Variants in TTC22 observed in about 807,000 individuals in gnomAD.
The protein encoded by TTC22 is tetratricopeptide repeat protein 22.
A neutral mutation model predicts 48.2 loss-of-function variants in TTC22; 42 were observed. The ratio of observed to expected loss-of-function variants is 0.87; its 90% CI spans 0.68 to 1.13. The LOEUF (loss-of-function observed/expected upper bound fraction) is 1.13, where lower values mean the gene tolerates loss of function less well. TTC22 is among the 50% of genes most tolerant of loss of function. The pLI, the probability that TTC22 is intolerant of heterozygous loss-of-function variation, is 0.00. For missense variants in TTC22, 784 were observed against 807.0 expected (o/e 0.97, Z 0.34); for synonymous variants, 345 against 365.5 (o/e 0.94, Z 0.64).
intron 1 of TTC22, among the ~76,000 whole-genome samples, chr1:54,796,357 C>T (rs945998626): frequency 4.6e-5 from 7 of 152,262 alleles, no homozygotes; most frequent in Admixed American, 1.3e-4. Flanking sequence ...CCTCCCCAGC[C>T]GCCTCAGCTG....
intron 3 of TTC22, 33 bp downstream of exon 3, chr1:54,787,678 G>A (rs1303493907): frequency 6.5e-7 from 1 of 1,533,090 alleles, no homozygotes; most frequent in South Asian, 1.1e-5. Flanking sequence ...AGGGGGCAGA[G>A]GCTGCTGTCC....
At chr1:54,793,121 G>T (rs3818748) in intron 1 of TTC22, 1 of 152,094 alleles carries the variant, frequency 6.6e-6, no homozygotes, top group African/African-American at 2.4e-5. Context: ...TCACAATCCC[G>T]TGGGCTGGGG....
Position 54,801,296 on chromosome 1 carries a change from T to C in TTC22, c.-133A>G. ...GGCAGAGGCCCCGGGCGCTGCGGCC[T>C]CTCGGTCTCAGGGCGCCTCCCGCAG... is the stretch of plus-strand genomic sequence containing the variant. On this transcript the variant is annotated 5_prime_UTR_variant, in exon 1 of 7. Coordinates refer to ENST00000371276, the MANE Select transcript of TTC22 (RefSeq NM_001114108.2). 1 of 934,202 alleles carries C rather than the reference T, an allele frequency of 1.1e-6. No homozygotes were observed. Among genetic ancestry groups the C allele is most frequent in the Non-Finnish European group, 1.6e-6 (1 of 628,558 alleles). The allele number at this position is 934,202 out of a possible 1,614,324, so 57.9% of individuals were successfully genotyped here. A position where few individuals can be genotyped will look rare whatever the true frequency, so the allele number is the denominator to read the frequency against.
At position 54,800,673 on chromosome 1, in the gene TTC22, G is replaced by T; in HGVS notation, c.491C>A (p.Ala164Asp). 1.3e-6 allele frequency: 2 copies of T among 1,552,596 alleles called. No individual in the cohort carries two copies. The highest frequency in any genetic ancestry group is 1.8e-4 in the Middle Eastern group (1 of 5,680). Residue 164 changes from alanine to aspartate, a missense_variant, in exon 1 of 7, where the codon GCC (alanine) becomes GAC (aspartate). Physicochemically the swap from Ala to Asp is moderately radical, Grantham distance 126. Transcript: ENST00000371276. Reference protein sequence around the residue: ...GYAHGFDVGCASPEERARGLA... With the variant: ...GYAHGFDVGCDSPEERARGLA... Reference sequence around the variant, plus strand: ...CCCCCGCGCACGCTCCTCTGGGCTGGCGCAGCCGACGTCGAAGCCATGCGC... The same window carrying T: ...CCCCCGCGCACGCTCCTCTGGGCTGTCGCAGCCGACGTCGAAGCCATGCGC...
chr1:54,787,876 T>C (rs776758356), intron 2 of TTC22, 50 bp from the exon 3 acceptor site: 2 of 1,537,746 alleles, frequency 1.3e-6, no homozygotes. Flanking sequence ...CCGGCTGTCC[T>C]GTGTGCTGCC....
chr1:54,797,865 G>T (rs1421720112), intron 1 of TTC22, among the ~76,000 whole-genome samples: 2 of 152,098 alleles, frequency 1.3e-5, no homozygotes, highest in Admixed American at 6.5e-5. Context: ...AGGTCCAGAG[G>T]CTCTTCCCCA....
chr1:54,800,162 C>A (rs1013657435), intron 1 of TTC22, among the ~76,000 whole-genome samples: 1 of 152,134 alleles, frequency 6.6e-6, no homozygotes, highest in Non-Finnish European at 1.5e-5. Context: ...GTGTGCGGAG[C>A]CTTTGTGAAG....
rs1344348375 is a variant in TTC22, at chr1:54,781,764, C to A, written c.1189G>T (p.Gly397Cys). The A allele has an allele frequency of 2.7e-6, 4 of 1,465,592 alleles. No homozygotes were observed. Among genetic ancestry groups the A allele is most frequent in the Non-Finnish European group, 3.6e-6 (4 of 1,111,078 alleles). The allele number at this position is 1,465,592 out of a possible 1,614,324, so 90.8% of individuals were successfully genotyped here. A position where few individuals can be genotyped will look rare whatever the true frequency, so the allele number is the denominator to read the frequency against. ...AGCAGCTCCTGCACCGCGTCCACGC[C>A]CATATAGTAGTAGACCTGGGGTCGG... is the stretch of plus-strand genomic sequence containing the variant. ...LDIGQVYYYM[G>C]VDAVQELLAV... Residue 397 changes from glycine (G) to cysteine (C), a missense_variant, in exon 7 of 7, where the codon GGC becomes TGC. Gly to Cys is a radical substitution (Grantham distance 159, BLOSUM62 -3). Transcript: ENST00000371276.
rs1178124227 is a variant in TTC22 at position 54,781,280 on chromosome 1, G to C, written c.1673C>G (p.Ala558Gly). 2 of 1,477,718 alleles carry C rather than the reference G, an allele frequency of 1.4e-6. No homozygotes were observed. Among genetic ancestry groups the C allele is most frequent in the Non-Finnish European group, 1.8e-6 (2 of 1,122,612 alleles). The allele number at this position is 1,477,718 out of a possible 1,614,324, so 91.5% of individuals were successfully genotyped here. A position where few individuals can be genotyped will look rare whatever the true frequency, so the allele number is the denominator to read the frequency against. ...FETMEREGEG[A>G]SAPRDRRAVS... is the part of the protein sequence containing the mutation. Reference sequence around the variant, plus strand: ...AGCCCGGCGGTCCCGCGGCGCGCTGGCGCCCTCGCCCTCGCGCTCCATGGT... The same window carrying C: ...AGCCCGGCGGTCCCGCGGCGCGCTGCCGCCCTCGCCCTCGCGCTCCATGGT... Residue 558 changes from alanine to glycine, a missense_variant, in exon 7 of 7, where the codon GCC becomes GGC. By Grantham distance (60) the Ala-to-Gly change is moderately conservative (BLOSUM62 0). Transcript: ENST00000371276.
In TTC22 at chr1:54,792,248, G is replaced by C. The variant is rs1646357587; in HGVS notation, c.568-4151C>G. ...TAGTCCCTCATCAGATCCCGCTTGA[G>C]AGCAGCATTTGCAGGAGGGCTTGTG... On this transcript the variant is annotated intron_variant, in intron 1 of 6. Transcript: ENST00000371276. Among the ~76,000 whole-genome samples, 3 of 152,206 alleles carry C rather than the reference G, an allele frequency of 2.0e-5. No individual in the cohort carries two copies. The South Asian group carries it at 6.2e-4, about 31-fold the overall frequency.
At chr1:54,784,195 G>A (rs140108556) in intron 5 of TTC22, among the ~76,000 whole-genome samples, 3 of 152,186 alleles carry the variant, frequency 2.0e-5, no homozygotes, top group Admixed American at 2.0e-4. Context: ...GCAGAGGGAG[G>A]TGGGGTAGAG....
chr1:54,788,329 C>T (rs1570111466), intron 1 of TTC22, among the ~76,000 whole-genome samples: 1 of 152,132 alleles, frequency 6.6e-6, no homozygotes, highest in Admixed American at 6.5e-5. Context: ...CAGTGAGGTG[C>T]CTATCCTAGA....
chr1:54,781,801 G>A, intron 6 of TTC22, 22 bp from the exon 7 acceptor site: 1 of 1,400,134 alleles, frequency 7.1e-7, no homozygotes, highest in Non-Finnish European at 9.2e-7. Flanking sequence ...GACGCGGGGT[G>A]AGCCCTTCAC....
chr1:54,783,033 G>T (rs1002026078), intron 5 of TTC22, among the ~76,000 whole-genome samples: 1 of 152,076 alleles, frequency 6.6e-6, no homozygotes, highest in African/African-American at 2.4e-5. Context: ...CAACTGCCAA[G>T]CATCACATTA....
At chr1:54,791,270 G>T (rs559256671) in intron 1 of TTC22, among the ~76,000 whole-genome samples, 5 of 152,300 alleles carry the variant, frequency 3.3e-5, no homozygotes, top group Admixed American at 6.5e-5. Context: ...TGCCTTCCTT[G>T]CTCCTGGCAA....
At chr1:54,797,925 G>T (rs1314569561) in intron 1 of TTC22, among the ~76,000 whole-genome samples, 2 of 152,128 alleles carry the variant, frequency 1.3e-5, no homozygotes, top group East Asian at 3.9e-4. Context: ...CGCTGCAGGG[G>T]GTCCCTCCTC....
rs141333972 is a variant in TTC22, at chr1:54,786,093, T to C, written c.910A>G (p.Ile304Val). ...TCCTGCTTTCCCAGGAAGTAGAAGA[T>C]TTTTGCCAGGCGATTCAGGATGGGA... ...QPPILNRLAKIFYFLGKQDMA... is the reference protein window; with the variant it reads ...QPPILNRLAKVFYFLGKQDMA... The change falls in exon 5 of 7, where the codon ATC (isoleucine) becomes GTC (valine). Residue 304 changes from isoleucine (I) to valine (V), a missense_variant. Transcript: ENST00000371276. 140 of 1,614,122 alleles carry C rather than the reference T, an allele frequency of 8.7e-5. 1 individual carries two copies. The African/African-American group carries it at 1.6e-3, about 18-fold the overall frequency.
At position 54,781,639 on chromosome 1, in the gene TTC22, G is replaced by T. The variant is rs1332192422; in HGVS notation, c.1314C>A (p.Arg438=). ...GATLPELQLL[R]GKCLRIKGED... Reference sequence around the variant, plus strand: ...CGCCCTTGATGCGCAGGCACTTGCCGCGCAGCAGCTGCAGCTCGGGCAGCG... The same window carrying T: ...CGCCCTTGATGCGCAGGCACTTGCCTCGCAGCAGCTGCAGCTCGGGCAGCG... The change falls in exon 7 of 7, where the codon CGC becomes CGA. Residue 438 remains arginine, a synonymous_variant. Coordinates refer to ENST00000371276, the MANE Select transcript of TTC22 (RefSeq NM_001114108.2). 2.0e-6 allele frequency: 3 copies of T among 1,530,506 alleles called. No homozygotes were observed. The highest frequency in any genetic ancestry group is 8.7e-7 in the Non-Finnish European group (1 of 1,144,150). The allele number at this position is 1,530,506 out of a possible 1,614,324, so 94.8% of individuals were successfully genotyped here.
rs1303718517 is a variant in TTC22 at position 54,781,641 on chromosome 1, G to A, written c.1312C>T (p.Arg438Cys). 1.3e-6 allele frequency: 2 copies of A among 1,530,382 alleles called. No homozygotes were observed. Among genetic ancestry groups the A allele is most frequent in the Non-Finnish European group, 1.7e-6 (2 of 1,144,074 alleles). The allele number at this position is 1,530,382 out of a possible 1,614,324, so 94.8% of individuals were successfully genotyped here. ...CCCTTGATGCGCAGGCACTTGCCGCGCAGCAGCTGCAGCTCGGGCAGCGTG... is the reference window on the plus strand; with the variant it reads ...CCCTTGATGCGCAGGCACTTGCCGCACAGCAGCTGCAGCTCGGGCAGCGTG... ...GATLPELQLL[R>C]GKCLRIKGED... The change falls in exon 7 of 7, where the codon CGC becomes TGC. Residue 438 changes from arginine to cysteine, a missense_variant. Transcript: ENST00000371276.
Sources: gnomAD v4.1 joint callset for allele counts (sites outside exome capture counted in the v4.1 genomes callset) on GRCh38, gnomAD v4.1.1 for gene constraint, MANE v1.5 for transcripts, NCBI Gene and HGNC (gene_info 2026-07-23, HGNC 2026-07-21) for gene names.